Variants in ACTR3C observed in about 807,000 individuals in gnomAD.
ACTR3C encodes actin-related protein 3C.
In ACTR3C, 18 loss-of-function variants were observed where a neutral mutation model predicts 26.3. That is an observed-to-expected ratio of 0.68 (90% CI 0.47 to 1.01). The LOEUF (loss-of-function observed/expected upper bound fraction) is 1.01. ACTR3C is among the 50% of genes least tolerant of loss of function. ACTR3C has a pLI of 0.00. For synonymous variants in ACTR3C, 55 were observed against 94.5 expected (o/e 0.58, Z 2.42); for missense variants, 184 against 250.7 (o/e 0.73, Z 1.80).
the ACTR3C span, among the ~76,000 whole-genome samples, chr7:150,137,457 A>G: frequency 1.3e-5 from 2 of 152,070 alleles, no homozygotes; most frequent in Non-Finnish European, 2.9e-5. Flanking sequence ...GAGCGTGGCC[A>G]CTCAACTCCC....
the ACTR3C span, among the ~76,000 whole-genome samples, chr7:150,204,905 A>C: frequency 6.6e-6 from 1 of 152,252 alleles, no homozygotes; most frequent in Admixed American, 6.5e-5. Context: ...GCAGAGGAGG[A>C]GCAAGGAACA....
chr7:150,126,637 G>A, the ACTR3C span, among the ~76,000 whole-genome samples: 1 of 152,204 alleles, frequency 6.6e-6, no homozygotes, highest in South Asian at 2.1e-4. Flanking sequence ...CAATCCTGCA[G>A]TGCCTTTAAT....
the ACTR3C span, among the ~76,000 whole-genome samples, chr7:149,904,886 C>T: frequency 5.3e-5 from 8 of 151,276 alleles, no homozygotes; most frequent in African/African-American, 1.5e-4. Flanking sequence ...ATTAGCTGGA[C>T]GTGGTGGTGG....
At chr7:149,927,137 G>A in the ACTR3C span, among the ~76,000 whole-genome samples, 2 of 151,850 alleles carry the variant, frequency 1.3e-5, no homozygotes, top group African/African-American at 4.8e-5. Context: ...GTATGCCCTG[G>A]CTGCCTCCAC....
chr7:150,035,879 G>A, the ACTR3C span, among the ~76,000 whole-genome samples: 100 of 136,616 alleles, frequency 7.3e-4, 9 homozygotes, highest in East Asian at 2.1e-3. Flanking sequence ...AGCCAGGGGC[G>A]GAAGAGGGGA....
chr7:150,116,744 C>G, the ACTR3C span, among the ~76,000 whole-genome samples: 2 of 152,110 alleles, frequency 1.3e-5, no homozygotes, highest in Non-Finnish European at 2.9e-5. Context: ...GTGTTATGGA[C>G]AGAATGGTTG....
the ACTR3C span, among the ~76,000 whole-genome samples, chr7:149,951,866 A>T: frequency 2.0e-5 from 3 of 150,462 alleles, no homozygotes; most frequent in South Asian, 2.1e-4. Flanking sequence ...AATTGTGCCC[A>T]GCAGAACTGG....
At chr7:150,306,257 G>A (rs1795801384) in intron 1 of ACTR3C, among the ~76,000 whole-genome samples, 1 of 151,936 alleles carries the variant, frequency 6.6e-6, no homozygotes, top group East Asian at 1.9e-4. Flanking sequence ...AATCAGAAGA[G>A]TCCCCTTTAA....
the ACTR3C span, among the ~76,000 whole-genome samples, chr7:149,894,374 A>G: frequency 6.6e-6 from 1 of 152,198 alleles, no homozygotes; most frequent in Non-Finnish European, 1.5e-5. Context: ...AGCACAGGTA[A>G]CAAAAATAGA....
intron 1 of ACTR3C, among the ~76,000 whole-genome samples, chr7:150,317,743 ATCTATT>A (rs1488269898): frequency 1.3e-5 from 2 of 152,162 alleles, no homozygotes. Context: ...GAAAATAGGC[ATCTATT>A]TCTATTTCAC....
chr7:150,271,896 T>TC (rs199674423), intron 6 of ACTR3C, among the ~76,000 whole-genome samples: 12,336 of 147,220 alleles, frequency 0.084, 1,222 homozygotes, highest in African/African-American at 0.17. Context: ...AAAGCATACC[T>TC]CCCCCCTCGC....
At chr7:149,883,855 T>C in the ACTR3C span, among the ~76,000 whole-genome samples, 1 of 152,196 alleles carries the variant, frequency 6.6e-6, no homozygotes, top group South Asian at 2.1e-4. Flanking sequence ...GCTGAAGAGC[T>C]CTGTCGTTCT....
the ACTR3C span, among the ~76,000 whole-genome samples, chr7:150,037,662 C>A: frequency 9.2e-6 from 1 of 108,552 alleles, no homozygotes; most frequent in East Asian, 2.4e-4. Flanking sequence ...CAACTAACAC[C>A]CACAGTCCTC....
At chr7:150,243,522 G>C (rs1214245061), downstream of ACTR3C, among the ~76,000 whole-genome samples, 8 of 151,858 alleles carry the variant, frequency 5.3e-5, 1 homozygote, top group South Asian at 1.7e-3. Flanking sequence ...TTATAATCAG[G>C]TGTAAAACTT....
the ACTR3C span, among the ~76,000 whole-genome samples, chr7:150,087,145 T>TG: frequency 6.6e-6 from 1 of 150,464 alleles, no homozygotes; most frequent in African/African-American, 2.4e-5. Flanking sequence ...TGTATGTTGT[T>TG]TTTTTTTAAC....
At chr7:150,031,917 G>C in the ACTR3C span, among the ~76,000 whole-genome samples, 178 of 152,328 alleles carry the variant, frequency 1.2e-3, 1 homozygote, top group African/African-American at 3.8e-3. Context: ...GGGCACTCAG[G>C]CTGTATTGTT....
At chr7:149,959,416 A>C in the ACTR3C span, among the ~76,000 whole-genome samples, 1 of 152,164 alleles carries the variant, frequency 6.6e-6, no homozygotes, top group East Asian at 1.9e-4. Flanking sequence ...AACCCCATAC[A>C]TGGTGTATGG....
the ACTR3C span, among the ~76,000 whole-genome samples, chr7:150,068,652 G>A: frequency 8.1e-3 from 1,216 of 150,658 alleles, 19 homozygotes; most frequent in African/African-American, 0.028. Context: ...GTGTGGTGGC[G>A]GGCACCTGTA....
chr7:149,921,528 T>C, the ACTR3C span, among the ~76,000 whole-genome samples: 4 of 152,230 alleles, frequency 2.6e-5, no homozygotes, highest in African/African-American at 4.8e-5. Context: ...TTCTTTGTTC[T>C]TTTGTTTTAT....
Sources: gnomAD v4.1 joint callset for allele counts (sites outside exome capture counted in the v4.1 genomes callset) on GRCh38, gnomAD v4.1.1 for gene constraint, MANE v1.5 for transcripts, NCBI Gene and HGNC (gene_info 2026-07-23, HGNC 2026-07-21) for gene names.